The following ANKRD44 variants were observed in gnomAD, a reference collection of about 807,000 sequenced individuals.
ANKRD44 encodes ankyrin repeat domain 44.
A neutral mutation model predicts 116.0 loss-of-function variants in ANKRD44; 35 were observed. The observed-to-expected ratio is 0.30, with a 90% CI of 0.23 to 0.40. The LOEUF is 0.40. Among genes scored for constraint, ANKRD44 ranks in the 10% least tolerant of loss-of-function variants. The pLI is 1.00. For synonymous variants in ANKRD44, 435 were observed against 461.8 expected (o/e 0.94, Z 0.74); for missense variants, 1,014 against 1,242.6 (o/e 0.82, Z 2.77).
chr2:197,181,534 A>G (rs577854438), intron 2 of ANKRD44, among the ~76,000 whole-genome samples: 1 of 152,324 alleles, frequency 6.6e-6, no homozygotes, highest in South Asian at 2.1e-4. Context: ...GGAAGTTTCA[A>G]TTTACGTGCA....
intron 1 of ANKRD44, among the ~76,000 whole-genome samples, chr2:197,306,976 C>T (rs1045899204): frequency 1.3e-5 from 2 of 152,098 alleles, no homozygotes; most frequent in Non-Finnish European, 2.9e-5. Context: ...TTTAAACATG[C>T]AACAGAACTT....
chr2:197,081,163 T>C (rs1471556260), intron 15 of ANKRD44, among the ~76,000 whole-genome samples: 2 of 152,128 alleles, frequency 1.3e-5, no homozygotes, highest in African/African-American at 4.8e-5. Context: ...GGAGCATCCT[T>C]TTGCAGGAGC....
intron 1 of ANKRD44, among the ~76,000 whole-genome samples, chr2:197,236,556 C>A (rs1217612577): frequency 2.0e-5 from 3 of 152,068 alleles, no homozygotes; most frequent in Admixed American, 2.0e-4. Context: ...GTCTATGGGG[C>A]CTACTAGTTG....
downstream of ANKRD44, among the ~76,000 whole-genome samples, chr2:196,986,452 G>C (rs2075838662): frequency 1.3e-5 from 2 of 151,574 alleles, no homozygotes; most frequent in African/African-American, 4.9e-5. Flanking sequence ...ATGGAAAAAA[G>C]TTGGAAGCAT....
At position 197,219,738 on chromosome 2, in the gene ANKRD44, A is replaced by AT. The variant is rs1397006884; in HGVS notation, c.28-32633dup. Among the ~76,000 whole-genome samples the AT allele has an allele frequency of 9.0e-3, 1,362 of 150,724 alleles. 14 individuals carry two copies. Among genetic ancestry groups the AT allele is most frequent in the African/African-American group, 0.016 (664 of 41,094 alleles). ...ATGGATCATGTGGTGTAAATCACTG[A>AT]TTTTTTTTTTAATTTTTATATTTGT... On this transcript the variant is annotated intron_variant, in intron 1 of 27. Transcript: ENST00000282272.
chr2:197,240,690 A>ACAACAT (rs2082072850), intron 1 of ANKRD44, among the ~76,000 whole-genome samples: 1 of 149,414 alleles, frequency 6.7e-6, no homozygotes, highest in Non-Finnish European at 1.5e-5. Context: ...TCTTGAAGCA[A>ACAACAT]GTTTTTTTTT....
chr2:197,099,784 A>C, intron 10 of ANKRD44, 32 bp downstream of exon 10: 1 of 1,612,820 alleles, frequency 6.2e-7, no homozygotes, highest in Non-Finnish European at 8.5e-7. Flanking sequence ...CACTTGAGGC[A>C]ATTATTCCAC....
intron 21 of ANKRD44, among the ~76,000 whole-genome samples, chr2:197,005,164 C>T (rs900168563): frequency 6.6e-6 from 1 of 151,996 alleles, no homozygotes; most frequent in African/African-American, 2.4e-5. Context: ...TATTTCTGTA[C>T]TTTGGAATTG....
intron 9 of ANKRD44, among the ~76,000 whole-genome samples, chr2:197,108,760 C>T (rs1193953738): frequency 6.6e-6 from 1 of 152,128 alleles, no homozygotes; most frequent in Admixed American, 6.5e-5. Flanking sequence ...ATCGCTTGAA[C>T]CCGAGAGGCA....
chr2:197,014,973 T>G (rs11894702), intron 17 of ANKRD44: 143,839 of 170,604 alleles, frequency 0.84, 61,716 homozygotes, highest in East Asian at 0.97. Flanking sequence ...GTGAAATGGG[T>G]ATGGGGGACA....
At chr2:197,051,725 C>T (rs922229796) in intron 16 of ANKRD44, among the ~76,000 whole-genome samples, 20 of 152,284 alleles carry the variant, frequency 1.3e-4, no homozygotes, top group Middle Eastern at 3.4e-3. Context: ...CACTGAGATG[C>T]TAATACTATT....
At chr2:197,146,523 TG>T (rs1326929564) in intron 3 of ANKRD44, among the ~76,000 whole-genome samples, 1 of 152,140 alleles carries the variant, frequency 6.6e-6, no homozygotes, top group East Asian at 1.9e-4. Context: ...GCATATATAG[TG>T]TATACATGCT....
intron 16 of ANKRD44, among the ~76,000 whole-genome samples, chr2:197,049,055 T>C (rs2077056931): frequency 1.3e-5 from 2 of 152,164 alleles, no homozygotes; most frequent in Non-Finnish European, 2.9e-5. Flanking sequence ...AATCTGTTGA[T>C]GTTCTTTGTA....
chr2:196,981,539 G>A (rs1475803098), intron 21 of ANKRD44, among the ~76,000 whole-genome samples: 1 of 152,150 alleles, frequency 6.6e-6, no homozygotes, highest in Non-Finnish European at 1.5e-5. Flanking sequence ...AGTGTGGGAG[G>A]CTGAGGCAGG....
intron 2 of ANKRD44, among the ~76,000 whole-genome samples, chr2:197,154,201 A>G (rs990689503): frequency 8.9e-6 from 1 of 112,058 alleles, no homozygotes; most frequent in Non-Finnish European, 1.7e-5. Flanking sequence ...TTTTTTTGAG[A>G]CGGAGTCTCG....
chr2:197,296,408 C>T (rs1280001923), intron 1 of ANKRD44: 6 of 152,144 alleles, frequency 3.9e-5, no homozygotes, highest in Non-Finnish European at 7.3e-5. Flanking sequence ...TCCTAGAACT[C>T]CCAAGATATA....
intron 21 of ANKRD44, among the ~76,000 whole-genome samples, chr2:196,967,834 T>C (rs574144821): frequency 4.6e-5 from 7 of 152,242 alleles, no homozygotes; most frequent in Admixed American, 2.6e-4. Flanking sequence ...CCAAATCTCA[T>C]GCTGAATTGT....
chr2:197,094,376 T>C (rs1021058083), intron 10 of ANKRD44, among the ~76,000 whole-genome samples: 2 of 152,246 alleles, frequency 1.3e-5, no homozygotes, highest in East Asian at 1.9e-4. Flanking sequence ...ATAATGTTCA[T>C]GTAGTGCTAA....
At chr2:197,180,980 T>C (rs1183396616) in intron 2 of ANKRD44, among the ~76,000 whole-genome samples, 1 of 152,152 alleles carries the variant, frequency 6.6e-6, no homozygotes, top group Admixed American at 6.5e-5. Flanking sequence ...CTCACTTGGC[T>C]CTTGAGATTC....
Sources: gnomAD v4.1 joint callset for allele counts (sites outside exome capture counted in the v4.1 genomes callset) on GRCh38, gnomAD v4.1.1 for gene constraint, MANE v1.5 for transcripts, NCBI Gene and HGNC (gene_info 2026-07-23, HGNC 2026-07-21) for gene names.